Variants in NPAP1 observed in about 807,000 individuals in gnomAD.
NPAP1 encodes nuclear pore associated protein 1, also known as nuclear pore-associated protein 1.
For synonymous variants in NPAP1, 616 were observed against 581.4 expected, an observed-to-expected ratio of 1.06 and a Z score of -0.86; for missense variants, 1,483 against 1,454.5, an observed-to-expected ratio of 1.02 and a Z score of -0.32.
rs141938509 is a variant in NPAP1 at position 24,676,619 on chromosome 15, A to G, written c.752A>G (p.His251Arg). The G allele has an allele frequency of 4.3e-6, 7 of 1,613,902 alleles. No individual in the cohort carries two copies. The highest frequency in any genetic ancestry group is 5.9e-6 in the Non-Finnish European group (7 of 1,179,926). The change falls in exon 1 of 1, where the codon CAT (histidine) becomes CGT (arginine). Residue 251 changes from histidine (H) to arginine (R), a missense_variant. By Grantham distance (29) the His-to-Arg change is conservative (BLOSUM62 0). Coordinates refer to ENST00000329468, the MANE Select transcript of NPAP1 (RefSeq NM_018958.3). ...STHSQAGCARHLGKPDPDATA... is the reference protein window; with the variant it reads ...STHSQAGCARRLGKPDPDATA... The stretch of plus-strand genomic sequence containing the variant: ...CACAGCCAGGCCGGATGTGCCCGGC[A>G]TCTTGGAAAGCCTGATCCGGATGCA...
rs2049016557 is a variant in NPAP1 at position 24,681,538 on chromosome 15, C to T, written c.*2200C>T. The T allele has an allele frequency of 6.0e-6, 1 of 166,956 alleles. No individual in the cohort carries two copies. The highest frequency in any genetic ancestry group is 2.1e-4 in the South Asian group (1 of 4,824). The allele number at this position is 166,956 out of a possible 1,614,324, so 10.3% of individuals were successfully genotyped here. ...AGATGAAGTCATGAAAATGAAACCCCCATGATGGGATTTGCGCCTTTATGA... is the reference window on the plus strand; with the variant it reads ...AGATGAAGTCATGAAAATGAAACCCTCATGATGGGATTTGCGCCTTTATGA... On this transcript the variant is annotated 3_prime_UTR_variant, in exon 1 of 1. Coordinates refer to ENST00000329468, the MANE Select transcript of NPAP1 (RefSeq NM_018958.3).
rs745738566 is a variant in NPAP1 at position 24,677,636 on chromosome 15, C to G, written c.1769C>G (p.Thr590Arg). The G allele has an allele frequency of 6.8e-6, 11 of 1,614,192 alleles. No individual in the cohort carries two copies. In the Admixed American group the frequency reaches 1.8e-4, roughly 27 times the overall value. Reference protein sequence around the residue: ...TTAPSQVVIFTSSLSSRVSSL... With the variant: ...TTAPSQVVIFRSSLSSRVSSL... ...GCCCCATCTCAGGTTGTTATTTTCA[C>G]ATCTTCCCTAAGCTCCAGAGTGAGC... Residue 590 changes from threonine (T) to arginine (R), a missense_variant, in exon 1 of 1, where the codon ACA (threonine) becomes AGA (arginine). Transcript: ENST00000329468.
rs1446484361 is a variant in NPAP1 at position 24,677,736 on chromosome 15, A to G, written c.1869A>G (p.Pro623=). The change falls in exon 1 of 1, where the codon CCA becomes CCG. Residue 623 remains proline, a synonymous_variant. Coordinates refer to ENST00000329468, the MANE Select transcript of NPAP1 (RefSeq NM_018958.3). ...HPGKTSVYTS[P]LPFIFHNTTP... ...GAAAGACATCAGTCTACACATCCCC[A>G]CTTCCATTTATATTCCACAATACCA... is the stretch of plus-strand genomic sequence containing the variant. 3.8e-5 allele frequency: 61 copies of G among 1,614,056 alleles called. No individual in the cohort carries two copies. The highest frequency in any genetic ancestry group is 5.2e-5 in the Non-Finnish European group (61 of 1,180,022).
chr15:24,676,068 C>T lies in NPAP1; in HGVS notation c.201C>T (p.Ala67=), dbSNP rs1314366860. 2.5e-6 allele frequency: 4 copies of T among 1,575,184 alleles called. No individual in the cohort carries two copies. In the South Asian group the frequency reaches 4.7e-5, roughly 19 times the overall value. ...CTTCAGCAGCCAGCATCTTCGTCGC[C>T]CCTAAGAGGCCGTGTCCTCTCCCTC... is the stretch of plus-strand genomic sequence containing the variant. The part of the protein sequence containing the change: ...RRPSAASIFV[A]PKRPCPLPRA... The change falls in exon 1 of 1, where the codon GCC becomes GCT. Residue 67 remains alanine (A), a synonymous_variant. Transcript: ENST00000329468.
chr15:24,676,761 C>A lies in NPAP1; in HGVS notation c.894C>A (p.Ser298=). Residue 298 remains serine (S), a synonymous_variant, in exon 1 of 1, where the codon TCC becomes TCA. Transcript: ENST00000329468. ...TAGGCTTGCCGATTCCGCTGATGTC[C>A]GGAAAGAGGATGCCTGATGAGAAGC... is the stretch of plus-strand genomic sequence containing the variant. ...SSLGLPIPLM[S]GKRMPDEKPF... 1.9e-6 allele frequency: 3 copies of A among 1,613,828 alleles called. No individual in the cohort carries two copies. Among genetic ancestry groups the A allele is most frequent in the Non-Finnish European group, 2.5e-6 (3 of 1,180,014 alleles).
At position 24,676,413 on chromosome 15, in the gene NPAP1, C is replaced by A. The variant is rs761309766; in HGVS notation, c.546C>A (p.Ser182Arg). 10 of 1,602,066 alleles carry A rather than the reference C, an allele frequency of 6.2e-6. No individual in the cohort carries two copies. The highest frequency in any genetic ancestry group is 7.7e-6 in the Non-Finnish European group (9 of 1,175,120). The stretch of plus-strand genomic sequence containing the variant: ...ACGAGAAAAGGACCCCCCTTAGCAG[C>A]GGAGAAGCATCGTCCACATCCAGGT... ...EDDEKRTPLS[S>R]GEASSTSRSQ... Residue 182 changes from serine (S) to arginine (R), a missense_variant, in exon 1 of 1, where the codon AGC becomes AGA. By Grantham distance (110) the Ser-to-Arg change is moderately radical (BLOSUM62 -1). Coordinates refer to ENST00000329468, the MANE Select transcript of NPAP1 (RefSeq NM_018958.3).
rs2048975770 is a variant in NPAP1, at chr15:24,676,395, A to G, written c.528A>G (p.Lys176=). ...PVQIEGEDDE[K]RTPLSSGEAS... is the part of the protein sequence containing the mutation. The stretch of plus-strand genomic sequence containing the variant: ...AGATCGAAGGGGAGGATGACGAGAA[A>G]AGGACCCCCCTTAGCAGCGGAGAAG... Residue 176 remains lysine, a synonymous_variant, in exon 1 of 1, where the codon AAA becomes AAG. Coordinates refer to ENST00000329468, the MANE Select transcript of NPAP1 (RefSeq NM_018958.3). The G allele has an allele frequency of 6.3e-7, 1 of 1,580,706 alleles. No individual in the cohort carries two copies. The highest frequency in any genetic ancestry group is 8.6e-7 in the Non-Finnish European group (1 of 1,166,518).
Position 24,678,679 on chromosome 15 carries a change from G to A in NPAP1, c.2812G>A (p.Gly938Ser), listed in dbSNP as rs1413846823. Reference protein sequence around the residue: ...LTSPSVQPLSGSIIPPGFAEL... With the variant: ...LTSPSVQPLSSSIIPPGFAEL... ...ATCTCCTTCAGTCCAGCCACTGAGT[G>A]GCAGCATAATTCCACCAGGTTTTGC... The change falls in exon 1 of 1, where the codon GGC becomes AGC. Residue 938 changes from glycine to serine, a missense_variant. By Grantham distance (56) the Gly-to-Ser change is moderately conservative. Coordinates refer to ENST00000329468, the MANE Select transcript of NPAP1 (RefSeq NM_018958.3). 6.2e-7 allele frequency: 1 copy of A among 1,614,054 alleles called. No individual in the cohort carries two copies. Among genetic ancestry groups the A allele is most frequent in the African/African-American group, 1.3e-5 (1 of 74,936 alleles).
chr15:24,676,240 C>A lies in NPAP1; in HGVS notation c.373C>A (p.Leu125Ile), dbSNP rs2141307586. 6.6e-7 allele frequency: 1 copy of A among 1,522,196 alleles called. No homozygotes were observed. 94.3% of individuals were successfully genotyped at this position (1,522,196 alleles called of 1,614,324 possible). ...RIPPPSRMFT[L>I]LLPSPREPAV... ...CCCTCCTCCCAGCCGCATGTTCACT[C>A]TCCTGCTGCCTTCACCACGTGAGCC... The change falls in exon 1 of 1, where the codon CTC becomes ATC. Residue 125 changes from leucine to isoleucine, a missense_variant. By Grantham distance (5) the Leu-to-Ile change is conservative. Transcript: ENST00000329468.
chr15:24,676,319 T>C lies in NPAP1; in HGVS notation c.452T>C (p.Val151Ala), dbSNP rs2048975215. 1 of 1,523,606 alleles carries C rather than the reference T, an allele frequency of 6.6e-7. No homozygotes were observed. Among genetic ancestry groups the C allele is most frequent in the African/African-American group, 1.4e-5 (1 of 71,704 alleles). 94.4% of individuals were successfully genotyped at this position (1,523,606 alleles called of 1,614,324 possible). The part of the protein sequence containing the change: ...IPATLLEETE[V>A]WAQEGPRRVK... ...GCCACTCTCCTGGAGGAGACCGAGGTGTGGGCCCAAGAAGGGCCCAGAAGA... is the reference window on the plus strand; with the variant it reads ...GCCACTCTCCTGGAGGAGACCGAGGCGTGGGCCCAAGAAGGGCCCAGAAGA... Residue 151 changes from valine (V) to alanine (A), a missense_variant, in exon 1 of 1, where the codon GTG (valine) becomes GCG (alanine). By Grantham distance (64) the Val-to-Ala change is moderately conservative. Transcript: ENST00000329468.
In NPAP1 at chr15:24,677,473, C is replaced by T. The variant is rs2141310427; in HGVS notation, c.1606C>T (p.Pro536Ser). The T allele has an allele frequency of 6.2e-7, 1 of 1,614,086 alleles. No individual in the cohort carries two copies. Reference sequence around the variant, plus strand: ...TTCCTTCCTGACTCTTCTTCCAGTCCCTTCCACCGGGACCTCAGTTATCAC... The same window carrying T: ...TTCCTTCCTGACTCTTCTTCCAGTCTCTTCCACCGGGACCTCAGTTATCAC... ...PLSFLTLLPV[P>S]STGTSVITSK... The change falls in exon 1 of 1, where the codon CCT becomes TCT. Residue 536 changes from proline (P) to serine (S), a missense_variant. By Grantham distance (74) the Pro-to-Ser change is moderately conservative. Coordinates refer to ENST00000329468, the MANE Select transcript of NPAP1 (RefSeq NM_018958.3).
In NPAP1 at chr15:24,676,446, C is replaced by T. The variant is rs1365266072; in HGVS notation, c.579C>T (p.Gly193=). 1 of 1,612,674 alleles carries T rather than the reference C, an allele frequency of 6.2e-7. No homozygotes were observed. Among genetic ancestry groups the T allele is most frequent in the Non-Finnish European group, 8.5e-7 (1 of 1,179,366 alleles). ...CATCGTCCACATCCAGGTCCCAGGG[C>T]ACCCAGGGAGACGTGGCCTCCTTCA... The part of the protein sequence containing the change: ...GEASSTSRSQ[G]TQGDVASFRC... The change falls in exon 1 of 1, where the codon GGC becomes GGT. Residue 193 remains glycine, a synonymous_variant. Transcript: ENST00000329468.
chr15:24,676,870 C>G lies in NPAP1; in HGVS notation c.1003C>G (p.Leu335Val), dbSNP rs1030726760. ...PCKRKMSIPLLLPLPPSLPLL... is the reference protein window; with the variant it reads ...PCKRKMSIPLVLPLPPSLPLL... ...CAAAAGGAAAATGTCGATTCCATTGCTGCTGCCGCTGCCCCCTTCACTGCC... is the reference window on the plus strand; with the variant it reads ...CAAAAGGAAAATGTCGATTCCATTGGTGCTGCCGCTGCCCCCTTCACTGCC... The change falls in exon 1 of 1, where the codon CTG (leucine) becomes GTG (valine). Residue 335 changes from leucine to valine, a missense_variant. By Grantham distance (32) the Leu-to-Val change is conservative. Coordinates refer to ENST00000329468, the MANE Select transcript of NPAP1 (RefSeq NM_018958.3). 5.6e-6 allele frequency: 9 copies of G among 1,613,338 alleles called. No individual in the cohort carries two copies. Among genetic ancestry groups the G allele is most frequent in the Middle Eastern group, 3.3e-4 (2 of 6,062 alleles).
At position 24,676,099 on chromosome 15, in the gene NPAP1, G is replaced by A. The variant is rs760189083; in HGVS notation, c.232G>A (p.Ala78Thr). Residue 78 changes from alanine (A) to threonine (T), a missense_variant, in exon 1 of 1, where the codon GCG becomes ACG. Transcript: ENST00000329468. ...PKRPCPLPRAAAAPLGVLPAV... is the reference protein window; with the variant it reads ...PKRPCPLPRATAAPLGVLPAV... Reference sequence around the variant, plus strand: ...GAGGCCGTGTCCTCTCCCTCGGGCTGCGGCCGCCCCTCTGGGGGTCCTGCC... The same window carrying A: ...GAGGCCGTGTCCTCTCCCTCGGGCTACGGCCGCCCCTCTGGGGGTCCTGCC... 3 of 1,561,716 alleles carry A rather than the reference G, an allele frequency of 1.9e-6. No homozygotes were observed. Among genetic ancestry groups the A allele is most frequent in the East Asian group, 2.3e-5 (1 of 43,796 alleles).
Position 24,677,046 on chromosome 15 carries a change from C to T in NPAP1, c.1179C>T (p.Ser393=), listed in dbSNP as rs2141309437. Residue 393 remains serine, a synonymous_variant, in exon 1 of 1, where the codon AGC becomes AGT. Coordinates refer to ENST00000329468, the MANE Select transcript of NPAP1 (RefSeq NM_018958.3). ...AAACAGAGACCATGACAAACAGCAGCATCACCCAGCCTGCCCCTTCTTTCT... is the reference window on the plus strand; with the variant it reads ...AAACAGAGACCATGACAAACAGCAGTATCACCCAGCCTGCCCCTTCTTTCT... ...EDKTETMTNS[S]ITQPAPSFSQ... 1 of 1,614,002 alleles carries T rather than the reference C, an allele frequency of 6.2e-7. No individual in the cohort carries two copies. Among genetic ancestry groups the T allele is most frequent in the Non-Finnish European group, 8.5e-7 (1 of 1,180,014 alleles).
rs1276836836 is a variant in NPAP1, at chr15:24,681,462, T to A, written c.*2124T>A. ...AAAAATTGATATTTTGAAGCCTAAC[T>A]TCCAGTGTGATGGTATTAGGAGGTG... On this transcript the variant is annotated 3_prime_UTR_variant, in exon 1 of 1. Coordinates refer to ENST00000329468, the MANE Select transcript of NPAP1 (RefSeq NM_018958.3). 6.0e-6 allele frequency: 1 copy of A among 166,100 alleles called. No individual in the cohort carries two copies. Among genetic ancestry groups the A allele is most frequent in the East Asian group, 1.9e-4 (1 of 5,188 alleles). The allele number at this position is 166,100 out of a possible 1,614,324, so 10.3% of individuals were successfully genotyped here.
chr15:24,676,393 A>G lies in NPAP1; in HGVS notation c.526A>G (p.Lys176Glu), dbSNP rs2141307900. 1 of 1,575,540 alleles carries G rather than the reference A, an allele frequency of 6.3e-7. No individual in the cohort carries two copies. The highest frequency in any genetic ancestry group is 8.6e-7 in the Non-Finnish European group (1 of 1,163,604). ...PVQIEGEDDE[K>E]RTPLSSGEAS... ...GCAGATCGAAGGGGAGGATGACGAG[A>G]AAAGGACCCCCCTTAGCAGCGGAGA... The change falls in exon 1 of 1, where the codon AAA becomes GAA. Residue 176 changes from lysine (K) to glutamate (E), a missense_variant. By Grantham distance (56) the Lys-to-Glu change is moderately conservative. Coordinates refer to ENST00000329468, the MANE Select transcript of NPAP1 (RefSeq NM_018958.3).
chr15:24,676,776 T>G lies in NPAP1; in HGVS notation c.909T>G (p.Pro303=). The G allele has an allele frequency of 6.2e-7, 1 of 1,613,674 alleles. No homozygotes were observed. Residue 303 remains proline, a synonymous_variant, in exon 1 of 1, where the codon CCT becomes CCG. Coordinates refer to ENST00000329468, the MANE Select transcript of NPAP1 (RefSeq NM_018958.3). ...CGCTGATGTCCGGAAAGAGGATGCCTGATGAGAAGCCTTTCTGTATTCCTC... is the reference window on the plus strand; with the variant it reads ...CGCTGATGTCCGGAAAGAGGATGCCGGATGAGAAGCCTTTCTGTATTCCTC... The part of the protein sequence containing the change: ...PIPLMSGKRM[P]DEKPFCIPPR...
rs115930035 is a variant in NPAP1 at position 24,682,448 on chromosome 15, C to T, written c.*3110C>T. ...ACTTTGAATAAATGTGTGAGAGATA[C>T]AAAGATAATTTTTGTTTTCATGTTT... On this transcript the variant is annotated 3_prime_UTR_variant, in exon 1 of 1. Coordinates refer to ENST00000329468, the MANE Select transcript of NPAP1 (RefSeq NM_018958.3). 617 of 166,786 alleles carry T rather than the reference C, an allele frequency of 3.7e-3. 3 individuals carry two copies. The highest frequency in any genetic ancestry group is 0.014 in the African/African-American group (578 of 41,562). 10.3% of individuals were successfully genotyped at this position (166,786 alleles called of 1,614,324 possible).
Sources: allele counts gnomAD v4.1 joint callset, GRCh38; gene constraint gnomAD v4.1.1; transcripts MANE v1.5; gene names NCBI Gene and HGNC (gene_info 2026-07-23, HGNC 2026-07-21).